Variants in MDM1 observed in about 807,000 individuals in gnomAD.
MDM1 encodes the protein stabilizer of axonemal microtubules 6.
Under a neutral mutation model 89.1 loss-of-function variants are expected in MDM1, and 61 were observed. The ratio of observed to expected loss-of-function variants is 0.68; its 90% confidence interval spans 0.56 to 0.85. The LOEUF is 0.85. Among genes scored for constraint, MDM1 ranks in the 40% least tolerant of loss-of-function variants. MDM1 has a pLI of 0.00. For missense variants in MDM1, 820 were observed against 846.5 expected (o/e 0.97, Z 0.39); for synonymous variants, 290 against 294.1 (o/e 0.99, Z 0.14).
rs751530833 is a variant in MDM1, at chr12:68,332,221, G to A, written c.18+7C>T. On this transcript the variant is annotated splice_region_variant and intron_variant, in intron 1 of 14. Coordinates refer to ENST00000682720, the MANE Select transcript of MDM1 (RefSeq NM_001354969.2). ...GCCACATTCCGGCCCGGGGACCCCA[G>A]CCTCACCTTGAAGCGCACCGGCATG... 3.2e-6 allele frequency: 5 copies of A among 1,572,668 alleles called. No individual in the cohort carries two copies. Among genetic ancestry groups the A allele is most frequent in the Non-Finnish European group, 4.3e-6 (5 of 1,159,314 alleles).
Position 68,332,236 on chromosome 12 carries a change from G to C in MDM1, c.10C>G (p.Arg4Gly), listed in dbSNP as rs199537908. 5.6e-4 allele frequency: 882 copies of C among 1,581,220 alleles called. 3 individuals are homozygous for C. The highest frequency in any genetic ancestry group is 6.7e-4 in the Non-Finnish European group (781 of 1,164,606). Residue 4 changes from arginine (R) to glycine (G), a missense_variant, in exon 1 of 15, where the codon CGC (arginine) becomes GGC (glycine). Transcript: ENST00000682720. MPV[R>G]FKGLSEYQRN... The stretch of plus-strand genomic sequence containing the variant: ...GGGGACCCCAGCCTCACCTTGAAGC[G>C]CACCGGCATGTCGCCCGGCGCCGGA...
At chr12:68,296,032 G>A (rs966077084) in intron 14 of MDM1, among the ~76,000 whole-genome samples, 11 of 152,152 alleles carry the variant, frequency 7.2e-5, no homozygotes, top group East Asian at 3.9e-4. Flanking sequence ...CCTGCTAAAC[G>A]GAAAGAAAGT....
rs1876080025 is a variant in MDM1, at chr12:68,326,912, A to T, written c.243T>A (p.Val81=). 1 of 1,613,978 alleles carries T rather than the reference A, an allele frequency of 6.2e-7. No individual in the cohort carries two copies. Among genetic ancestry groups the T allele is most frequent in the African/African-American group, 1.3e-5 (1 of 74,916 alleles). The change falls in exon 3 of 15, where the codon GTT becomes GTA. Residue 81 remains valine (V), a synonymous_variant. Transcript: ENST00000682720. ...WNGAISESNV[V]ASPEPEAPET... ...CCGGGGCTTCTGGTTCTGGTGATGC[A>T]ACCACATTGCTCTCTGAGATAGCTC...
rs1054145300 is a variant in MDM1 at position 68,326,806 on chromosome 12, T to C, written c.349A>G (p.Lys117Glu). The C allele has an allele frequency of 5.6e-6, 9 of 1,613,896 alleles. No homozygotes were observed. In the Admixed American group the frequency reaches 1.3e-4, roughly 24 times the overall value. The change falls in exon 3 of 15, where the codon AAA becomes GAA. Residue 117 changes from lysine (K) to glutamate (E), a missense_variant. Coordinates refer to ENST00000682720, the MANE Select transcript of MDM1 (RefSeq NM_001354969.2). The part of the protein sequence containing the change: ...VHSLEASRVP[K>E]RTRSHSADSR... ...TCTGCAGAGTGAGATCTGGTTCTTTTGGGAACCCTGGAAGCTTCTAGTGAG... is the reference window on the plus strand; with the variant it reads ...TCTGCAGAGTGAGATCTGGTTCTTTCGGGAACCCTGGAAGCTTCTAGTGAG...
At chr12:68,306,713 C>G (rs891214252) in intron 12 of MDM1, among the ~76,000 whole-genome samples, 1 of 152,048 alleles carries the variant, frequency 6.6e-6, no homozygotes, top group Non-Finnish European at 1.5e-5. Flanking sequence ...TGACTATTAC[C>G]AAAAAGTCAA....
At chr12:68,326,527 T>C (rs1726475108) in intron 3 of MDM1, 130 bp downstream of exon 3, 13 of 1,592,562 alleles carry the variant, frequency 8.2e-6, no homozygotes, top group Non-Finnish European at 1.0e-5. Flanking sequence ...TTATCAACTA[T>C]TCTTATAGAC....
At chr12:68,327,348 C>T in intron 2 of MDM1, 1 of 1,522,300 alleles carries the variant, frequency 6.6e-7, no homozygotes, top group Non-Finnish European at 8.8e-7. Context: ...TACATGCTGC[C>T]TCGTTTCTAA....
At chr12:68,320,558 T>C (rs137931292) in intron 7 of MDM1, among the ~76,000 whole-genome samples, 32 of 152,302 alleles carry the variant, frequency 2.1e-4, no homozygotes, top group African/African-American at 5.3e-4. Context: ...GCTGATTATA[T>C]ATAATTGTGG....
intron 14 of MDM1, among the ~76,000 whole-genome samples, chr12:68,295,690 T>C (rs1871285430): frequency 6.6e-6 from 1 of 152,246 alleles, no homozygotes; most frequent in Non-Finnish European, 1.5e-5. Context: ...ATCATAATAC[T>C]GTTTTATCCT....
intron 2 of MDM1, 56 bp downstream of exon 2, chr12:68,331,031 AGCCCAAGTTATAACGGCTTG>A: frequency 2.5e-6 from 2 of 806,130 alleles, no homozygotes; most frequent in Non-Finnish European, 4.3e-6. Context: ...AGGTTTACTT[AGCCCAAGTTATAACGGCTTG>A]GCCCAAGTTA....
intron 12 of MDM1, 99 bp downstream of exon 12, chr12:68,313,344 G>T: frequency 2.3e-6 from 2 of 862,676 alleles, no homozygotes; most frequent in Non-Finnish European, 3.6e-6. Context: ...TCATATGATA[G>T]CCACAATTCT....
At chr12:68,307,353 C>T (rs111251966) in intron 12 of MDM1, among the ~76,000 whole-genome samples, 1 of 152,158 alleles carries the variant, frequency 6.6e-6, no homozygotes, top group African/African-American at 2.4e-5. Context: ...AAAATTCAGG[C>T]TGGGCACAGT....
chr12:68,313,861 GC>G, intron 10 of MDM1, 108 bp from the exon 11 acceptor site: 1 of 952,450 alleles, frequency 1.0e-6, no homozygotes, highest in Non-Finnish European at 1.6e-6. Flanking sequence ...CTTGTAAGAG[GC>G]CAGGCGCGGT....
intron 13 of MDM1, among the ~76,000 whole-genome samples, chr12:68,298,735 C>T (rs1871747652): frequency 6.6e-6 from 1 of 152,154 alleles, no homozygotes; most frequent in Non-Finnish European, 1.5e-5. Context: ...GGGACCTGTG[C>T]CCACCAGTGG....
At chr12:68,314,319 G>A (rs902513262) in intron 10 of MDM1, among the ~76,000 whole-genome samples, 1 of 151,988 alleles carries the variant, frequency 6.6e-6, no homozygotes, top group Non-Finnish European at 1.5e-5. Flanking sequence ...ATCAATAGAA[G>A]AAAAACAACC....
rs140388999 is a variant in MDM1, at chr12:68,326,855, C to G, written c.300G>C (p.Lys100Asn). ...ETPKSQEAEQ[K>N]DVTQERVHSL... ...AGTGAACTCTTTCTTGAGTAACATC[C>G]TTTTGTTCTGCTTCTTGTGATTTTG... is the stretch of plus-strand genomic sequence containing the variant. Residue 100 changes from lysine to asparagine, a missense_variant, in exon 3 of 15, where the codon AAG becomes AAC. Physicochemically the swap from Lys to Asn is moderately conservative, Grantham distance 94 (BLOSUM62 0). Transcript: ENST00000682720. 1,226 of 1,613,954 alleles carry G rather than the reference C, an allele frequency of 7.6e-4. 1 individual carries two copies. Among genetic ancestry groups the G allele is most frequent in the Non-Finnish European group, 9.5e-4 (1,125 of 1,179,878 alleles).
intron 3 of MDM1, chr12:68,326,007 C>G (rs906317824): frequency 1.0e-6 from 1 of 994,286 alleles, no homozygotes; most frequent in Non-Finnish European, 1.2e-6. Context: ...GCTACAGATT[C>G]TTCTCCAACA....
At chr12:68,319,027 TA>T (rs1874869246) in intron 7 of MDM1, among the ~76,000 whole-genome samples, 1 of 152,188 alleles carries the variant, frequency 6.6e-6, no homozygotes, top group Non-Finnish European at 1.5e-5. Context: ...AACACAGTCC[TA>T]TTTGTGGAAG....
chr12:68,326,549 AAAC>A (rs757256737), intron 3 of MDM1, 105 bp downstream of exon 3: 34 of 1,609,750 alleles, frequency 2.1e-5, no homozygotes, highest in East Asian at 1.3e-4. Context: ...TTAGACAAGA[AAAC>A]AACAATGGAA....
Sources: allele counts gnomAD v4.1 joint callset (sites outside exome capture counted in the v4.1 genomes callset), GRCh38; gene constraint gnomAD v4.1.1; transcripts MANE v1.5; gene names NCBI Gene and HGNC (gene_info 2026-07-23, HGNC 2026-07-21).